CDHR3: variants seen among roughly 807,000 people sequenced by gnomAD.
The protein encoded by CDHR3 is cadherin-related family member 3.
Under a neutral mutation model 86.6 loss-of-function variants are expected in CDHR3, and 79 were observed. The observed-to-expected ratio is 0.91, with a 90% CI of 0.76 to 1.10. The LOEUF (loss-of-function observed/expected upper bound fraction) is 1.10, where lower values mean the gene tolerates loss of function less well. Ranked by LOEUF, CDHR3 falls within the 50% of genes least tolerant of loss-of-function variation. The pLI is 0.00. For missense variants in CDHR3, 1,081 were observed against 1,077.6 expected (o/e 1.00, Z -0.04); for synonymous variants, 421 against 402.4 (o/e 1.05, Z -0.55).
intron 7 of CDHR3, 22 bp from the exon 8 acceptor site, chr7:106,004,476 G>T: frequency 6.2e-7 from 1 of 1,605,578 alleles, no homozygotes; most frequent in Non-Finnish European, 8.5e-7. Flanking sequence ...AAAGGGTCAC[G>T]TTCTAACCTT....
chr7:105,970,469 A>G (rs955964306), intron 1 of CDHR3, among the ~76,000 whole-genome samples: 1 of 152,216 alleles, frequency 6.6e-6, no homozygotes, highest in African/African-American at 2.4e-5. Flanking sequence ...AGCAATTCTA[A>G]TTTGATTCTT....
At chr7:106,015,688 TC>T (rs1585781699) in intron 10 of CDHR3, among the ~76,000 whole-genome samples, 1 of 152,170 alleles carries the variant, frequency 6.6e-6, no homozygotes, top group African/African-American at 2.4e-5. Flanking sequence ...CTTATAAGGC[TC>T]AGCTTGTTCA....
chr7:106,011,441 C>T (rs899240271), intron 8 of CDHR3, among the ~76,000 whole-genome samples: 2 of 151,954 alleles, frequency 1.3e-5, no homozygotes, highest in African/African-American at 4.8e-5. Flanking sequence ...AAGATGAGGA[C>T]AAGAAGAAGC....
intron 11 of CDHR3, among the ~76,000 whole-genome samples, chr7:106,017,484 AG>A (rs1276037692): frequency 1.3e-5 from 2 of 151,456 alleles, no homozygotes; most frequent in Non-Finnish European, 2.9e-5. Context: ...GCTTGAACCC[AG>A]GAAGTGGAGG....
chr7:106,010,646 C>T (rs1011834580), intron 8 of CDHR3, among the ~76,000 whole-genome samples: 1 of 152,120 alleles, frequency 6.6e-6, no homozygotes, highest in Admixed American at 6.5e-5. Context: ...TTTTATCTGC[C>T]ATGAAAAGAG....
intron 1 of CDHR3, among the ~76,000 whole-genome samples, chr7:105,969,285 G>A (rs1415306401): frequency 6.8e-6 from 1 of 148,030 alleles, no homozygotes; most frequent in African/African-American, 2.5e-5. Flanking sequence ...TGTAGTCCCA[G>A]CTACTCGGGA....
At chr7:106,013,152 T>A in intron 9 of CDHR3, 121 bp downstream of exon 9, 1 of 841,418 alleles carries the variant, frequency 1.2e-6, no homozygotes, top group Non-Finnish European at 1.8e-6. Flanking sequence ...CGACTGTAAC[T>A]GACAGGCTTA....
At position 105,963,288 on chromosome 7, in the gene CDHR3, C is replaced by G; in HGVS notation, c.-31C>G. On this transcript the variant is annotated 5_prime_UTR_variant, in exon 1 of 19. Transcript: ENST00000317716. ...CGGGATTCAGGCTGTGGCTAATGTGCTGGAAGCACGCACAGTTGTGACCAT... is the reference window on the plus strand; with the variant it reads ...CGGGATTCAGGCTGTGGCTAATGTGGTGGAAGCACGCACAGTTGTGACCAT... 1 of 1,612,572 alleles carries G rather than the reference C, an allele frequency of 6.2e-7. No homozygotes were observed. Among genetic ancestry groups the G allele is most frequent in the Admixed American group, 1.7e-5 (1 of 60,010 alleles).
At chr7:105,993,937 T>G (rs549247797) in intron 4 of CDHR3, among the ~76,000 whole-genome samples, 2 of 152,276 alleles carry the variant, frequency 1.3e-5, no homozygotes, top group African/African-American at 4.8e-5. Context: ...GCTGGAAGCC[T>G]ATGATGACAA....
rs1184097448 is a variant in CDHR3 at position 105,980,973 on chromosome 7, C to A, written c.255C>A (p.Val85=). The A allele has an allele frequency of 1.2e-6, 2 of 1,605,330 alleles. No individual in the cohort carries two copies. Among genetic ancestry groups the A allele is most frequent in the Non-Finnish European group, 1.7e-6 (2 of 1,175,700 alleles). ...AATTTTGCATTTTGTTTTAGGTTGT[C>A]ACCACTGGGATGGAACAACTAGATT... The part of the protein sequence containing the change: ...NWLSGTYFEV[V]TTGMEQLDFE... The change falls in exon 3 of 19, where the codon GTC becomes GTA. Residue 85 remains valine (V), a synonymous_variant. Coordinates refer to ENST00000317716, the MANE Select transcript of CDHR3 (RefSeq NM_152750.5).
chr7:105,995,263 A>C (rs955670167), intron 5 of CDHR3, among the ~76,000 whole-genome samples: 3 of 152,236 alleles, frequency 2.0e-5, no homozygotes, highest in African/African-American at 7.2e-5. Flanking sequence ...GTCAGAGCAC[A>C]TAGGCTCAAG....
chr7:106,027,626 G>A (rs1195570306), intron 16 of CDHR3: 4 of 453,000 alleles, frequency 8.8e-6, no homozygotes, highest in Non-Finnish European at 1.8e-5. Flanking sequence ...GAGTGTGGGG[G>A]AGACAGGACA....
At chr7:106,011,637 G>C (rs1393958424) in intron 8 of CDHR3, among the ~76,000 whole-genome samples, 1 of 152,120 alleles carries the variant, frequency 6.6e-6, no homozygotes, top group Non-Finnish European at 1.5e-5. Flanking sequence ...TCAGTTTTGG[G>C]ACAGTGTGTT....
rs1334713054 is a variant in CDHR3, at chr7:105,994,792, TA to T, written c.557del (p.Asn186MetfsTer25). On this transcript the variant is annotated frameshift_variant, in exon 5 of 19. Transcript: ENST00000317716. LOFTEE classifies it high-confidence loss of function. ...CCCCAAAGAGCTTCAGAATGTCTGCTAATGGCACCCTCTTCTCCACAACAGA... is the reference window on the plus strand; with the variant it reads ...CCCCAAAGAGCTTCAGAATGTCTGCTATGGCACCCTCTTCTCCACAACAGA... ...SPPKSFRMSA[N>X]GTLFSTTELD... The T allele has an allele frequency of 1.9e-6, 3 of 1,612,848 alleles. No individual in the cohort carries two copies. The highest frequency in any genetic ancestry group is 2.7e-5 in the African/African-American group (2 of 75,038).
At chr7:106,009,137 C>T (rs1476312536) in intron 8 of CDHR3, among the ~76,000 whole-genome samples, 1 of 152,132 alleles carries the variant, frequency 6.6e-6, no homozygotes, top group Non-Finnish European at 1.5e-5. Context: ...ATGTGAAATC[C>T]GTAGCTGGAC....
intron 18 of CDHR3, among the ~76,000 whole-genome samples, chr7:106,031,441 T>C (rs1305744001): frequency 6.6e-6 from 1 of 152,174 alleles, no homozygotes. Context: ...GGCTCAATTA[T>C]AGACGTGAAT....
chr7:106,005,078 C>T (rs773977452), intron 8 of CDHR3, among the ~76,000 whole-genome samples: 12 of 152,158 alleles, frequency 7.9e-5, no homozygotes, highest in African/African-American at 2.9e-4. Context: ...TTATAATAGA[C>T]GTTTGAGACT....
chr7:106,014,946 G>T (rs567841318), intron 9 of CDHR3, among the ~76,000 whole-genome samples, 165 bp from the exon 10 acceptor site: 5 of 152,288 alleles, frequency 3.3e-5, no homozygotes, highest in African/African-American at 1.2e-4. Flanking sequence ...AGTGAGCAAA[G>T]GTATGGTCAT....
chr7:105,998,922 T>G (rs1832694638), intron 6 of CDHR3, among the ~76,000 whole-genome samples: 1 of 152,232 alleles, frequency 6.6e-6, no homozygotes, highest in Non-Finnish European at 1.5e-5. Context: ...TCCTGCCCAT[T>G]TCTTTTGTAT....
Sources: gnomAD v4.1 joint callset for allele counts (sites outside exome capture counted in the v4.1 genomes callset) on GRCh38, gnomAD v4.1.1 for gene constraint, MANE v1.5 for transcripts, NCBI Gene and HGNC (gene_info 2026-07-23, HGNC 2026-07-21) for gene names.